Variants in SLC44A5 observed in about 807,000 individuals in gnomAD.
The protein encoded by SLC44A5 is solute carrier family 44 member 5.
A neutral mutation model predicts 101.8 loss-of-function variants in SLC44A5; 57 were observed. The ratio of observed to expected loss-of-function variants is 0.56; its 90% CI spans 0.45 to 0.70. The LOEUF (loss-of-function observed/expected upper bound fraction) is 0.70, where lower values mean the gene tolerates loss of function less well. SLC44A5 is among the 30% of genes least tolerant of loss of function. SLC44A5 has a pLI of 0.00. For synonymous variants in SLC44A5, 281 were observed against 290.9 expected (o/e 0.97, Z 0.35); for missense variants, 737 against 853.1 (o/e 0.86, Z 1.70).
intron 2 of SLC44A5, among the ~76,000 whole-genome samples, chr1:75,459,725 T>C (rs1057005821): frequency 5.9e-5 from 9 of 152,234 alleles, no homozygotes; most frequent in African/African-American, 2.2e-4. Context: ...ATTCATGGCA[T>C]GTAATGCAGG....
intron 11 of SLC44A5, among the ~76,000 whole-genome samples, chr1:75,235,154 C>T (rs567552525): frequency 2.0e-5 from 3 of 152,066 alleles, no homozygotes; most frequent in Admixed American, 6.6e-5. Flanking sequence ...CTTAAAATCA[C>T]GGACACTTTA....
rs115519904 is a variant in SLC44A5, at chr1:75,461,932, T to C, written c.14-65311A>G. On this transcript the variant is annotated intron_variant, in intron 2 of 23. Transcript: ENST00000370859. ...TAGTTCCTGGCTCCCAAACAACACC[T>C]ATGGACCCTCCTGGGTCCTGGAGAA... Among the ~76,000 whole-genome samples, 225 of 152,326 alleles carry C rather than the reference T, an allele frequency of 1.5e-3. 1 individual carries two copies. The highest frequency in any genetic ancestry group is 5.2e-3 in the African/African-American group (218 of 41,576).
chr1:75,403,443 A>G (rs1662632424), intron 2 of SLC44A5, among the ~76,000 whole-genome samples: 1 of 152,128 alleles, frequency 6.6e-6, no homozygotes, highest in African/African-American at 2.4e-5. Context: ...CTAATAGAAG[A>G]GAGCTCTGGC....
intron 2 of SLC44A5, among the ~76,000 whole-genome samples, chr1:75,425,440 A>C (rs1326680315): frequency 2.0e-5 from 3 of 152,250 alleles, no homozygotes; most frequent in Non-Finnish European, 4.4e-5. Context: ...GAAGTCCCGA[A>C]GTCTGTAAAC....
At chr1:75,431,097 GA>G (rs1664588968) in intron 2 of SLC44A5, among the ~76,000 whole-genome samples, 2 of 151,774 alleles carry the variant, frequency 1.3e-5, no homozygotes, top group South Asian at 2.1e-4. Context: ...AATTCCATGG[GA>G]AAAAAAATCC....
chr1:75,306,737 T>C lies in SLC44A5; in HGVS notation c.102-6052A>G, dbSNP rs1042749187. ...ATTCATTTACTGGTTTCCTTTCTTT[T>C]TTTTTTTTTTTTTTTGAGACGGAGT... On this transcript the variant is annotated intron_variant, in intron 4 of 23. Coordinates refer to ENST00000370859, the MANE Select transcript of SLC44A5 (RefSeq NM_001130058.2). Among the ~76,000 whole-genome samples, 17 of 119,510 alleles carry C rather than the reference T, an allele frequency of 1.4e-4. 1 individual carries two copies. The highest frequency in any genetic ancestry group is 5.8e-4 in the South Asian group (2 of 3,470). 78.4% of individuals were successfully genotyped at this position (119,510 alleles called of 152,430 possible).
chr1:75,550,191 C>T (rs188694837), intron 1 of SLC44A5, among the ~76,000 whole-genome samples: 25 of 151,946 alleles, frequency 1.6e-4, no homozygotes, highest in African/African-American at 4.6e-4. Flanking sequence ...AACAGATAAA[C>T]AAAATGCTAA....
intron 2 of SLC44A5, among the ~76,000 whole-genome samples, chr1:75,486,158 C>T (rs1375303946): frequency 1.3e-5 from 2 of 152,148 alleles, no homozygotes; most frequent in Non-Finnish European, 2.9e-5. Context: ...ATTTCTCCTA[C>T]AAAGGAAACT....
the SLC44A5 span, among the ~76,000 whole-genome samples, chr1:75,649,596 G>GA: frequency 6.6e-6 from 1 of 152,122 alleles, no homozygotes; most frequent in Non-Finnish European, 1.5e-5. Context: ...ATATTCACTA[G>GA]AAGAAAGATA....
chr1:75,257,743 C>T (rs590301), intron 6 of SLC44A5, among the ~76,000 whole-genome samples: 126,103 of 152,054 alleles, frequency 0.83, 52,588 homozygotes, highest in East Asian at 0.95. Context: ...TAAGAAGAAA[C>T]AGCAAGGTGG....
rs550479533 is a variant in SLC44A5 at position 75,463,249 on chromosome 1, G to A, written c.14-66628C>T. On this transcript the variant is annotated intron_variant, in intron 2 of 23. Transcript: ENST00000370859. ...ATCTTGGCTAACACGGTGAAACCCC[G>A]TCTCTACTAAAAATACAAAAATTAG... Among the ~76,000 whole-genome samples the A allele has an allele frequency of 5.3e-5, 8 of 151,956 alleles. No homozygotes were observed. In the South Asian group the frequency reaches 6.2e-4, roughly 12 times the overall value.
At chr1:75,701,663 C>A in the SLC44A5 span, among the ~76,000 whole-genome samples, 4 of 152,188 alleles carry the variant, frequency 2.6e-5, no homozygotes, top group Non-Finnish European at 5.9e-5. Flanking sequence ...CCAGGGCAAT[C>A]AGGCAGGAGA....
At chr1:75,688,889 T>G in the SLC44A5 span, among the ~76,000 whole-genome samples, 1 of 152,168 alleles carries the variant, frequency 6.6e-6, no homozygotes, top group Admixed American at 6.5e-5. Context: ...AAGAATTTCA[T>G]CTAGTTCAAG....
chr1:75,580,039 C>T (rs1195588513), intron 1 of SLC44A5, among the ~76,000 whole-genome samples: 1 of 151,940 alleles, frequency 6.6e-6, no homozygotes, highest in African/African-American at 2.4e-5. Flanking sequence ...ATCCAGTGAG[C>T]ATGTCTCTGT....
At chr1:75,638,538 A>G in the SLC44A5 span, among the ~76,000 whole-genome samples, 2,987 of 152,166 alleles carry the variant, frequency 0.02, 37 homozygotes, top group Non-Finnish European at 0.033. Flanking sequence ...AGGAAAGCCA[A>G]CGAAAGAGCC....
intron 2 of SLC44A5, among the ~76,000 whole-genome samples, chr1:75,483,347 A>C (rs1255095880): frequency 6.6e-6 from 1 of 152,252 alleles, no homozygotes; most frequent in African/African-American, 2.4e-5. Context: ...ACCTCAAAAA[A>C]AGCTTAAAAA....
the SLC44A5 span, among the ~76,000 whole-genome samples, chr1:75,639,226 T>C: frequency 6.6e-6 from 1 of 152,226 alleles, no homozygotes; most frequent in East Asian, 1.9e-4. Flanking sequence ...AAATGATAAC[T>C]ATGTGAGGTA....
At chr1:75,212,517 A>G (rs963419691) in intron 22 of SLC44A5, among the ~76,000 whole-genome samples, 7 of 152,168 alleles carry the variant, frequency 4.6e-5, no homozygotes, top group African/African-American at 1.4e-4. Context: ...TGCAAAGGAC[A>G]TGATCTCATT....
chr1:75,325,764 GT>G (rs1656541807), intron 4 of SLC44A5, among the ~76,000 whole-genome samples: 3 of 52,196 alleles, frequency 5.7e-5, no homozygotes, highest in Admixed American at 4.6e-4. Flanking sequence ...GCATGCGTGT[GT>G]GTGTGTGTGT....
Sources: allele counts gnomAD v4.1 joint callset (sites outside exome capture counted in the v4.1 genomes callset), GRCh38; gene constraint gnomAD v4.1.1; transcripts MANE v1.5; gene names NCBI Gene and HGNC (gene_info 2026-07-23, HGNC 2026-07-21).